Variants in NOL10 observed in about 807,000 individuals in gnomAD.
NOL10 encodes H_NH0074G24.1.
Under a neutral mutation model 103.5 loss-of-function variants are expected in NOL10, and 58 were observed. That is an observed-to-expected ratio of 0.56 (90% CI 0.45 to 0.70). NOL10 has a LOEUF of 0.70. NOL10 is among the 30% of genes least tolerant of loss of function. The pLI is 0.00. For missense variants in NOL10, 763 were observed against 807.3 expected (o/e 0.95, Z 0.67); for synonymous variants, 287 against 282.5 (o/e 1.02, Z -0.16).
intron 13 of NOL10, among the ~76,000 whole-genome samples, chr2:10,621,481 G>T (rs989213566): frequency 8.5e-5 from 13 of 152,114 alleles, no homozygotes; most frequent in Non-Finnish European, 1.6e-4. Flanking sequence ...GTAGTCCTGG[G>T]TACTTGGGAG....
At chr2:10,589,473 G>C in intron 18 of NOL10, 105 bp downstream of exon 18, 1 of 1,205,058 alleles carries the variant, frequency 8.3e-7, no homozygotes. Context: ...CACTTAATAT[G>C]GAATTAATTA....
At position 10,655,482 on chromosome 2, in the gene NOL10, G is replaced by A. The variant is rs184832317; in HGVS notation, c.907-935C>T. Among the ~76,000 whole-genome samples the A allele has an allele frequency of 4.0e-3, 608 of 152,184 alleles. 3 individuals carry two copies. Among genetic ancestry groups the A allele is most frequent in the South Asian group, 0.011 (52 of 4,820 alleles). The stretch of plus-strand genomic sequence containing the variant: ...TTAAGTGTTAGTTACTATGTAGTTA[G>A]GGCTAAACCATTTCTATTTTAACTG... On this transcript the variant is annotated intron_variant, in intron 11 of 20. Transcript: ENST00000381685.
intron 17 of NOL10, among the ~76,000 whole-genome samples, chr2:10,598,135 A>G (rs1013945040): frequency 4.6e-5 from 7 of 152,220 alleles, no homozygotes; most frequent in Admixed American, 1.3e-4. Flanking sequence ...CTGTTCATCA[A>G]CTGAGTATGT....
rs1044915977 is a variant in NOL10, at chr2:10,634,478, A to C, written c.1026+9842T>G. Reference sequence around the variant, plus strand: ...TCAGAAGTTCTGATGTAGACACATTAAACAGGATGTGCTATTAGACATCCA... The same window carrying C: ...TCAGAAGTTCTGATGTAGACACATTCAACAGGATGTGCTATTAGACATCCA... On this transcript the variant is annotated intron_variant, in intron 13 of 20. Transcript: ENST00000381685. The C allele has an allele frequency of 3.9e-5, 18 of 456,378 alleles. No individual in the cohort carries two copies. The Admixed American group carries it at 4.0e-4, about 10-fold the overall frequency. The allele number at this position is 456,378 out of a possible 1,614,324, so 28.3% of individuals were successfully genotyped here.
chr2:10,602,205 G>A (rs548378721), intron 16 of NOL10, among the ~76,000 whole-genome samples: 9 of 152,366 alleles, frequency 5.9e-5, no homozygotes, highest in African/African-American at 1.9e-4. Flanking sequence ...CCAGCTCCAC[G>A]GGGCCTCCTC....
At chr2:10,617,189 G>A (rs1401497760) in intron 13 of NOL10, among the ~76,000 whole-genome samples, 2 of 152,178 alleles carry the variant, frequency 1.3e-5, no homozygotes, top group African/African-American at 2.4e-5. Flanking sequence ...AGGGGCAGGA[G>A]GGAGTGACCC....
intron 13 of NOL10, among the ~76,000 whole-genome samples, chr2:10,609,309 C>T (rs1417626213): frequency 6.6e-6 from 1 of 151,368 alleles, no homozygotes; most frequent in Non-Finnish European, 1.5e-5. Flanking sequence ...ACTTCATGGC[C>T]GGGCGCGGTG....
chr2:10,639,150 C>T (rs1678527341), intron 13 of NOL10, among the ~76,000 whole-genome samples: 1 of 151,226 alleles, frequency 6.6e-6, no homozygotes, highest in Non-Finnish European at 1.5e-5. Flanking sequence ...GGGCCAGGCG[C>T]GGTGGCTCAC....
At chr2:10,576,086 C>T (rs1572218855) in intron 20 of NOL10, among the ~76,000 whole-genome samples, 1 of 152,088 alleles carries the variant, frequency 6.6e-6, no homozygotes, top group Non-Finnish European at 1.5e-5. Flanking sequence ...AGGTAGTTCT[C>T]CAGAGATGAC....
At chr2:10,573,202 T>G (rs1674272514) in intron 20 of NOL10, among the ~76,000 whole-genome samples, 1 of 152,032 alleles carries the variant, frequency 6.6e-6, no homozygotes, top group Non-Finnish European at 1.5e-5. Context: ...ATCTGTATTT[T>G]CTTTTTTTTT....
At chr2:10,659,839 T>C (rs1198549775) in intron 9 of NOL10, among the ~76,000 whole-genome samples, 1 of 152,206 alleles carries the variant, frequency 6.6e-6, no homozygotes, top group Non-Finnish European at 1.5e-5. Flanking sequence ...TAAGAAGACA[T>C]AGTTTTGTTT....
rs143160163 is a variant in NOL10 at position 10,572,148 on chromosome 2, G to A, written c.1990C>T (p.Arg664Ter). 1 of 1,613,838 alleles carries A rather than the reference G, an allele frequency of 6.2e-7. No homozygotes were observed. The highest frequency in any genetic ancestry group is 8.5e-7 in the Non-Finnish European group (1 of 1,179,828). ...KKQQEAEKLH[R>*]QERKRLRRSA... ...CGACGGAGTCTTTTCCTTTCTTGTC[G>A]ATGCAGTTTCTCAGCCTCCTGTTGC... Residue 664 changes from arginine (R) to a stop codon, truncating the protein, a stop_gained, in exon 21 of 21, where the codon CGA becomes TGA. Transcript: ENST00000381685. LOFTEE classifies it high-confidence loss of function.
At chr2:10,657,961 A>C in intron 10 of NOL10, 70 bp from the exon 11 acceptor site, 1 of 1,214,352 alleles carries the variant, frequency 8.2e-7, no homozygotes, top group Non-Finnish European at 1.1e-6. Flanking sequence ...TCTAAGTGAG[A>C]ATAATGGCAG....
chr2:10,634,939 G>T (rs550141204), intron 13 of NOL10, among the ~76,000 whole-genome samples: 1 of 152,192 alleles, frequency 6.6e-6, no homozygotes, highest in Non-Finnish European at 1.5e-5. Context: ...AAGGGAGGAT[G>T]ACTGTACACG....
intron 12 of NOL10, among the ~76,000 whole-genome samples, chr2:10,647,645 G>C (rs891406483): frequency 4.6e-5 from 7 of 152,300 alleles, no homozygotes; most frequent in Middle Eastern, 6.8e-3. Flanking sequence ...TGTGCACGCA[G>C]AACTGTGCCA....
At chr2:10,638,330 G>GACGTAACGTAACGTAACGTAACGTA (rs3061339) in intron 13 of NOL10, among the ~76,000 whole-genome samples, 17 of 92,824 alleles carry the variant, frequency 1.8e-4, no homozygotes, top group African/African-American at 8.3e-4. Context: ...GACGTGACGT[G>GACGTAACGTAACGTAACGTAACGTA]ACGTAACGTA....
At chr2:10,635,671 A>G (rs979005963) in intron 13 of NOL10, among the ~76,000 whole-genome samples, 1 of 152,142 alleles carries the variant, frequency 6.6e-6, no homozygotes, top group Non-Finnish European at 1.5e-5. Context: ...ACCACCCCTC[A>G]CCTAGATTGT....
intron 9 of NOL10, 92 bp downstream of exon 9, chr2:10,662,867 T>A (rs1294541363): frequency 1.8e-5 from 17 of 954,080 alleles, no homozygotes; most frequent in Non-Finnish European, 2.4e-5. Flanking sequence ...CAATTTCAGA[T>A]ATCCTGTAGC....
At chr2:10,652,197 G>A (rs945052099) in intron 12 of NOL10, among the ~76,000 whole-genome samples, 2 of 150,846 alleles carry the variant, frequency 1.3e-5, no homozygotes, top group African/African-American at 4.9e-5. Flanking sequence ...CTGAGATTGC[G>A]CCACTGCACT....
Sources: gnomAD v4.1 joint callset for allele counts (sites outside exome capture counted in the v4.1 genomes callset) on GRCh38, gnomAD v4.1.1 for gene constraint, MANE v1.5 for transcripts, NCBI Gene and HGNC (gene_info 2026-07-23, HGNC 2026-07-21) for gene names.